The following ITGA9 variants were observed in gnomAD, a reference collection of about 807,000 sequenced individuals.
ITGA9 encodes the protein integrin subunit alpha 9, also known as integrin alpha-9.
A neutral mutation model predicts 127.8 loss-of-function variants in ITGA9; 56 were observed. The observed-to-expected ratio is 0.44, with a 90% CI of 0.35 to 0.55. The LOEUF (loss-of-function observed/expected upper bound fraction) is 0.55, where lower values mean the gene tolerates loss of function less well. Among genes scored for constraint, ITGA9 ranks in the 20% least tolerant of loss-of-function variants. The pLI, the probability that ITGA9 is intolerant of heterozygous loss-of-function variation, is 0.00. For missense variants in ITGA9, 1,196 were observed against 1,347.1 expected (o/e 0.89, Z 1.76); for synonymous variants, 508 against 514.5 (o/e 0.99, Z 0.17).
At chr3:37,457,230 T>C (rs748353006) in intron 1 of ITGA9, among the ~76,000 whole-genome samples, 1 of 152,204 alleles carries the variant, frequency 6.6e-6, no homozygotes, top group South Asian at 2.1e-4. Flanking sequence ...TATTTAGGGC[T>C]GGGGGTTCAA....
chr3:37,663,188 G>A (rs778917593), intron 17 of ITGA9, among the ~76,000 whole-genome samples: 2 of 152,308 alleles, frequency 1.3e-5, no homozygotes, highest in Non-Finnish European at 2.9e-5. Flanking sequence ...AATTCCATTT[G>A]TAAAAGGATG....
Position 37,718,792 on chromosome 3 carries a change from C to T in ITGA9, c.2068-13920C>T, listed in dbSNP as rs76006600. Among the ~76,000 whole-genome samples, 1,242 of 152,284 alleles carry T rather than the reference C, an allele frequency of 8.2e-3. 5 individuals are homozygous for T. The highest frequency in any genetic ancestry group is 0.013 in the Non-Finnish European group (893 of 68,008). ...GCCGACGCCACATGCATTAATTCTG[C>T]GGCCACACAGAGGGGCCTGCATCTG... On this transcript the variant is annotated intron_variant, in intron 18 of 27. Transcript: ENST00000264741.
At chr3:37,623,936 G>A (rs1321100521) in intron 15 of ITGA9, among the ~76,000 whole-genome samples, 1 of 152,122 alleles carries the variant, frequency 6.6e-6, no homozygotes, top group East Asian at 1.9e-4. Flanking sequence ...GTGTCTACAA[G>A]ATTATCATAG....
chr3:37,490,967 C>T (rs1237145159), intron 4 of ITGA9, among the ~76,000 whole-genome samples: 1 of 45,706 alleles, frequency 2.2e-5, no homozygotes, highest in Non-Finnish European at 6.7e-5. Context: ...GATTTGGCTT[C>T]CCCCCCGCTT....
chr3:37,488,189 T>A (rs1213356705), intron 4 of ITGA9, among the ~76,000 whole-genome samples: 1 of 152,208 alleles, frequency 6.6e-6, no homozygotes, highest in Non-Finnish European at 1.5e-5. Flanking sequence ...CGCCTTCTTA[T>A]GCGCCAGGAC....
chr3:37,701,818 T>G (rs745740312), intron 18 of ITGA9, among the ~76,000 whole-genome samples: 1 of 152,210 alleles, frequency 6.6e-6, no homozygotes, highest in Non-Finnish European at 1.5e-5. Flanking sequence ...CTCTTCTTTC[T>G]GGTCCTCACT....
intron 23 of ITGA9, among the ~76,000 whole-genome samples, chr3:37,774,345 A>T (rs1014545050): frequency 1.3e-5 from 2 of 152,150 alleles, no homozygotes; most frequent in African/African-American, 4.8e-5. Context: ...TCCAGACCTG[A>T]TGTTGATTGA....
rs111501458 is a variant in ITGA9, at chr3:37,508,543, T to TC, written c.829-16_829-15insC. 38 of 1,607,390 alleles carry TC rather than the reference T, an allele frequency of 2.4e-5. 1 individual carries two copies. In the African/African-American group the frequency reaches 3.6e-4, roughly 15 times the overall value. ...TGATTTCATCCTAACTAGATTTTTTTTTTTTCATTCCATAGGTTTATATTT... is the reference window on the plus strand; with the variant it reads ...TGATTTCATCCTAACTAGATTTTTTTCTTTTTCATTCCATAGGTTTATATTT... On this transcript the variant is annotated splice_polypyrimidine_tract_variant and intron_variant, in intron 7 of 27. Coordinates refer to ENST00000264741, the MANE Select transcript of ITGA9 (RefSeq NM_002207.3).
intron 18 of ITGA9, among the ~76,000 whole-genome samples, chr3:37,712,572 G>A (rs1295484886): frequency 6.6e-6 from 1 of 152,084 alleles, no homozygotes; most frequent in Admixed American, 6.5e-5. Context: ...GGTTGGCTTC[G>A]ACCACAGCTT....
At position 37,519,351 on chromosome 3, in the gene ITGA9, A is replaced by G. The variant is rs61751646; in HGVS notation, c.1233A>G (p.Ser411=). Residue 411 remains serine, a synonymous_variant, in exon 11 of 28, where the codon TCA becomes TCG. Coordinates refer to ENST00000264741, the MANE Select transcript of ITGA9 (RefSeq NM_002207.3). ...GDAGGIVPQY[S]MKLSGQKINP... ...CCGGTGGGATAGTCCCTCAGTACTC[A>G]ATGGTAATTAGTGTGAGAGTGATAT... 7.3e-3 allele frequency: 11,723 copies of G among 1,611,188 alleles called. 73 individuals are homozygous for G. The highest frequency in any genetic ancestry group is 0.02 in the South Asian group (1,784 of 90,912).
chr3:37,685,237 G>A (rs1700771966), intron 18 of ITGA9, among the ~76,000 whole-genome samples: 1 of 152,280 alleles, frequency 6.6e-6, no homozygotes. Context: ...ACAGGTTTGT[G>A]CCAAGCCTGC....
chr3:37,568,808 A>G (rs1257496516), intron 15 of ITGA9, among the ~76,000 whole-genome samples: 4 of 152,196 alleles, frequency 2.6e-5, no homozygotes, highest in Non-Finnish European at 5.9e-5. Context: ...TATTATCAGC[A>G]TTTTGGTCAA....
intron 23 of ITGA9, among the ~76,000 whole-genome samples, chr3:37,764,019 C>G (rs974644064): frequency 4.6e-5 from 7 of 152,188 alleles, no homozygotes; most frequent in South Asian, 2.1e-4. Context: ...CCCCAGTACA[C>G]AGAACTGCTT....
At position 37,804,969 on chromosome 3, in the gene ITGA9, A is replaced by G. The variant is rs549908534; in HGVS notation, c.3009+1027A>G. On this transcript the variant is annotated intron_variant, in intron 27 of 27. Coordinates refer to ENST00000264741, the MANE Select transcript of ITGA9 (RefSeq NM_002207.3). ...GATATAGACCAGGCATTCTCATAAC[A>G]TCAACTTATTTTTGAATAGTGTATT... 9.1e-4 allele frequency among the ~76,000 whole-genome samples: 138 copies of G among 152,284 alleles called. 1 individual carries two copies. The highest frequency in any genetic ancestry group is 1.3e-3 in the Non-Finnish European group (89 of 68,018).
intron 17 of ITGA9, among the ~76,000 whole-genome samples, chr3:37,663,798 T>C (rs1358660371): frequency 1.3e-5 from 2 of 152,240 alleles, no homozygotes; most frequent in Non-Finnish European, 2.9e-5. Flanking sequence ...ACCAGCTGCA[T>C]AACCTTGAGC....
chr3:37,467,087 T>C (rs890213021), intron 1 of ITGA9, among the ~76,000 whole-genome samples: 8 of 152,202 alleles, frequency 5.3e-5, no homozygotes, highest in African/African-American at 1.9e-4. Context: ...TGCGGTAGTC[T>C]TGCTGGATGG....
rs1282127385 is a variant in ITGA9 at position 37,624,846 on chromosome 3, A to G, written c.1690-4341A>G. On this transcript the variant is annotated intron_variant, in intron 15 of 27. Transcript: ENST00000264741. ...GGTCTCAAACTTCTGACCTCAGGTC[A>G]TCCGCCTTCCTCAGCCTCTTAAGGT... is the stretch of plus-strand genomic sequence containing the variant. 2.6e-5 allele frequency among the ~76,000 whole-genome samples: 4 copies of G among 152,162 alleles called. No homozygotes were observed. The East Asian group carries it at 7.7e-4, about 29-fold the overall frequency.
intron 20 of ITGA9, 56 bp from the exon 21 acceptor site, chr3:37,741,674 C>T: frequency 7.4e-7 from 1 of 1,342,344 alleles, no homozygotes; most frequent in South Asian, 1.2e-5. Context: ...AGAGAAAGCC[C>T]ACTGCTGGAC....
chr3:37,795,493 C>T lies in ITGA9; in HGVS notation c.2890-8330C>T, dbSNP rs369120065. Among the ~76,000 whole-genome samples the T allele has an allele frequency of 1.8e-4, 27 of 152,306 alleles. 1 individual carries two copies. The South Asian group carries it at 4.8e-3, about 27-fold the overall frequency. On this transcript the variant is annotated intron_variant, in intron 26 of 27. Coordinates refer to ENST00000264741, the MANE Select transcript of ITGA9 (RefSeq NM_002207.3). Reference sequence around the variant, plus strand: ...GACACCAGCTTGGCAACCTCAGGTACGTTAAATTCTACAGAAGCAGGCAGG... The same window carrying T: ...GACACCAGCTTGGCAACCTCAGGTATGTTAAATTCTACAGAAGCAGGCAGG...
Sources: gnomAD v4.1 joint callset for allele counts (sites outside exome capture counted in the v4.1 genomes callset) on GRCh38, gnomAD v4.1.1 for gene constraint, MANE v1.5 for transcripts, NCBI Gene and HGNC (gene_info 2026-07-23, HGNC 2026-07-21) for gene names.